Variants in METTL17 observed in about 807,000 individuals in gnomAD.
The protein encoded by METTL17 is ribosome assembly protein METTL17, mitochondrial.
In METTL17, 49 loss-of-function variants were observed where a neutral mutation model predicts 59.4. That is an observed-to-expected ratio of 0.82 (90% confidence interval 0.66 to 1.05). METTL17 has a LOEUF of 1.05. Among genes scored for constraint, METTL17 ranks in the 50% least tolerant of loss-of-function variants. The pLI, the probability that METTL17 is intolerant of heterozygous loss-of-function variation, is 0.00. For synonymous variants in METTL17, 208 were observed against 209.2 expected (o/e 0.99, Z 0.05); for missense variants, 555 against 578.4 (o/e 0.96, Z 0.41).
chr14:20,993,769 A>G (rs1428463546), intron 6 of METTL17, 200 bp from the exon 7 acceptor site: 33 of 393,936 alleles, frequency 8.4e-5, no homozygotes, highest in Non-Finnish European at 1.2e-4. Flanking sequence ...CACTGTGCCC[A>G]GCTGAGTCTA....
intron 3 of METTL17, chr14:20,990,826 G>A: frequency 3.5e-6 from 2 of 573,790 alleles, no homozygotes; most frequent in Non-Finnish European, 5.9e-6. Flanking sequence ...TTGTTTGTTT[G>A]TTTTGTTGTT....
At position 20,995,187 on chromosome 14, in the gene METTL17, A is replaced by G. The variant is rs1446819988; in HGVS notation, c.899A>G (p.Lys300Arg). ...CAGGTACTGGTGGAGAATGGAACAA[A>G]AGCTGGGCACAGCCTTCTCATGGAT... ...HFLVLVENGT[K>R]AGHSLLMDAR... is the part of the protein sequence containing the mutation. The change falls in exon 10 of 14, where the codon AAA becomes AGA. Residue 300 changes from lysine to arginine, a missense_variant. Lys to Arg is a conservative substitution (Grantham distance 26). Coordinates refer to ENST00000339374, the MANE Select transcript of METTL17 (RefSeq NM_022734.3). The G allele has an allele frequency of 6.2e-7, 1 of 1,614,198 alleles. No homozygotes were observed. Among genetic ancestry groups the G allele is most frequent in the South Asian group, 1.1e-5 (1 of 91,082 alleles).
At chr14:20,992,255 AAG>A in intron 4 of METTL17, 50 bp downstream of exon 4, 1 of 1,201,400 alleles carries the variant, frequency 8.3e-7, no homozygotes, top group Non-Finnish European at 1.2e-6. Context: ...AGACTTTAGA[AAG>A]AGAGTTGGGG....
Position 20,996,541 on chromosome 14 carries a change from G to C in METTL17, c.1095G>C (p.Lys365Asn). 6.2e-7 allele frequency: 1 copy of C among 1,610,080 alleles called. No homozygotes were observed. ...CCTTATCTTAGAACAAGAAACCAAA[G>C]GAAGAAAAGTTCTCTATGGTGATCC... ...PIPFSWNKKP[K>N]EEKFSMVILA... Residue 365 changes from lysine (K) to asparagine (N), a missense_variant, in exon 13 of 14, where the codon AAG (lysine) becomes AAC (asparagine). Physicochemically the swap from Lys to Asn is moderately conservative, Grantham distance 94. Transcript: ENST00000339374.
At position 20,996,537 on chromosome 14, in the gene METTL17, C is replaced by G. The variant is rs368007919; in HGVS notation, c.1091C>G (p.Pro364Arg). The G allele has an allele frequency of 1.6e-5, 25 of 1,609,638 alleles. No homozygotes were observed. In the African/African-American group the frequency reaches 3.2e-4, roughly 21 times the overall value. The change falls in exon 13 of 14, where the codon CCA (proline) becomes CGA (arginine). Residue 364 changes from proline (P) to arginine (R), a missense_variant. Pro to Arg is a moderately radical substitution (Grantham distance 103). Transcript: ENST00000339374. ...HPIPFSWNKK[P>R]KEEKFSMVIL... ...TGTTCCTTATCTTAGAACAAGAAACCAAAGGAAGAAAAGTTCTCTATGGTG... is the reference window on the plus strand; with the variant it reads ...TGTTCCTTATCTTAGAACAAGAAACGAAAGGAAGAAAAGTTCTCTATGGTG...
intron 4 of METTL17, 119 bp downstream of exon 4, chr14:20,992,324 G>A (rs1880074828): frequency 1.3e-6 from 1 of 758,528 alleles, no homozygotes; most frequent in South Asian, 1.8e-5. Context: ...ACCTTAAAAG[G>A]ATCAATTTAG....
intron 3 of METTL17, among the ~76,000 whole-genome samples, chr14:20,991,117 C>T (rs1403171185): frequency 3.9e-5 from 6 of 152,106 alleles, no homozygotes; most frequent in African/African-American, 1.4e-4. Flanking sequence ...CATGAACCAC[C>T]GCGCCTGGCT....
rs1170404275 is a variant in METTL17 at position 20,996,873 on chromosome 14, G to T, written c.1354G>T (p.Asp452Tyr). The T allele has an allele frequency of 1.2e-6, 2 of 1,610,446 alleles. No homozygotes were observed. The highest frequency in any genetic ancestry group is 1.7e-5 in the Admixed American group (1 of 60,014). ...PSAFPPSTAQ[D>Y]PSES ...TGCGTTTCCTCCATCTACGGCTCAG[G>T]ATCCCTCTGAGAGTTGATGAGGATG... Residue 452 changes from aspartate (D) to tyrosine (Y), a missense_variant, in exon 14 of 14, where the codon GAT (aspartate) becomes TAT (tyrosine). Asp to Tyr is a radical substitution (Grantham distance 160, BLOSUM62 -3). Coordinates refer to ENST00000339374, the MANE Select transcript of METTL17 (RefSeq NM_022734.3).
chr14:20,990,601 AGG>A lies in METTL17; in HGVS notation c.364+4_364+5del. The A allele has an allele frequency of 6.2e-7, 1 of 1,614,030 alleles. No homozygotes were observed. The highest frequency in any genetic ancestry group is 2.2e-5 in the East Asian group (1 of 44,890). The stretch of plus-strand genomic sequence containing the variant: ...GAAAAAATTCCTGGAAAACCCAGGT[AGG>A]ACTTAAGAATAATTAAAAAGTGGGC... On this transcript the variant is annotated splice_donor_5th_base_variant and intron_variant, in intron 3 of 13. Coordinates refer to ENST00000339374, the MANE Select transcript of METTL17 (RefSeq NM_022734.3).
At chr14:20,993,038 A>C (rs183953088) in intron 5 of METTL17, 80 bp from the exon 6 acceptor site, 3 of 1,205,456 alleles carry the variant, frequency 2.5e-6, no homozygotes, top group African/African-American at 3.0e-5. Context: ...ATCCTCTGTG[A>C]TAGCCTCCTA....
rs1027803687 is a variant in METTL17, at chr14:20,992,134, G to A, written c.375G>A (p.Gln125=). 1.2e-6 allele frequency: 2 copies of A among 1,613,154 alleles called. No individual in the cohort carries two copies. Among genetic ancestry groups the A allele is most frequent in the Non-Finnish European group, 1.7e-6 (2 of 1,179,768 alleles). ...KKFLENPDLS[Q]TEEKLRGAVL... Reference sequence around the variant, plus strand: ...TTGTTCTCACCACAGACTTATCTCAGACAGAGGAGAAACTTCGTGGAGCAG... The same window carrying A: ...TTGTTCTCACCACAGACTTATCTCAAACAGAGGAGAAACTTCGTGGAGCAG... Residue 125 remains glutamine (Q), a synonymous_variant, in exon 4 of 14, where the codon CAG becomes CAA. Coordinates refer to ENST00000339374, the MANE Select transcript of METTL17 (RefSeq NM_022734.3).
chr14:20,994,505 TC>T, intron 7 of METTL17, 37 bp from the exon 8 acceptor site: 1 of 1,546,456 alleles, frequency 6.5e-7, no homozygotes, highest in Non-Finnish European at 8.9e-7. Context: ...ATACCTAACT[TC>T]CTACACACTC....
intron 10 of METTL17, 67 bp downstream of exon 10, chr14:20,995,300 G>C: frequency 1.4e-6 from 2 of 1,398,742 alleles, no homozygotes; most frequent in South Asian, 2.3e-5. Context: ...TCTTGAAAAC[G>C]AAAGAGACTG....
rs1168865524 is a variant in METTL17, at chr14:20,996,521, T to A, written c.1081-6T>A. On this transcript the variant is annotated splice_region_variant and splice_polypyrimidine_tract_variant and intron_variant, in intron 12 of 13. Transcript: ENST00000339374. The stretch of plus-strand genomic sequence containing the variant: ...TTCTAAACAGTCTCTATGTTCCTTA[T>A]CTTAGAACAAGAAACCAAAGGAAGA... 1 of 1,608,260 alleles carries A rather than the reference T, an allele frequency of 6.2e-7. No homozygotes were observed. The highest frequency in any genetic ancestry group is 8.5e-7 in the Non-Finnish European group (1 of 1,175,686).
intron 3 of METTL17, 151 bp from the exon 4 acceptor site, chr14:20,991,973 T>C: frequency 1.5e-6 from 1 of 659,826 alleles, no homozygotes; most frequent in South Asian, 1.8e-5. Flanking sequence ...AATTCTTGCC[T>C]GAAACTTTTC....
intron 4 of METTL17, 140 bp from the exon 5 acceptor site, chr14:20,992,401 C>T (rs1880080102): frequency 1.3e-6 from 1 of 774,872 alleles, no homozygotes; most frequent in African/African-American, 1.7e-5. Flanking sequence ...TTGTAAGTCT[C>T]CCCAGGACCC....
At chr14:20,993,320 TC>T in intron 6 of METTL17, 129 bp downstream of exon 6, 1 of 769,808 alleles carries the variant, frequency 1.3e-6, no homozygotes, top group South Asian at 1.5e-5. Context: ...TAATGTTTCT[TC>T]CATCAGATTA....
chr14:20,994,393 T>C, intron 7 of METTL17, 150 bp from the exon 8 acceptor site: 1 of 727,702 alleles, frequency 1.4e-6, no homozygotes, highest in Non-Finnish European at 2.4e-6. Flanking sequence ...GTAGCTGGGA[T>C]TACAGGCACG....
intron 7 of METTL17, 47 bp downstream of exon 7, chr14:20,994,110 GGGGTACTAGTAAAA>G: frequency 7.3e-7 from 1 of 1,360,850 alleles, no homozygotes; most frequent in East Asian, 2.3e-5. Flanking sequence ...AGAAAGCAAA[GGGGTACTAGTAAAA>G]GTGTTTTACT....
Sources: gnomAD v4.1 joint callset for allele counts (sites outside exome capture counted in the v4.1 genomes callset) on GRCh38, gnomAD v4.1.1 for gene constraint, MANE v1.5 for transcripts, NCBI Gene and HGNC (gene_info 2026-07-23, HGNC 2026-07-21) for gene names.